Variants in ANK2 observed in about 807,000 individuals in gnomAD.
ANK2 encodes the protein ankyrin-2.
In ANK2, 83 loss-of-function variants were observed where a neutral mutation model predicts 360.5. That is an observed-to-expected ratio of 0.23 (90% CI 0.19 to 0.28). ANK2 has a LOEUF of 0.28. Ranked by LOEUF, ANK2 falls within the 10% of genes least tolerant of loss-of-function variation. ANK2 has a pLI of 1.00. For synonymous variants in ANK2, 1,740 were observed against 1,759.5 expected (o/e 0.99, Z 0.28); for missense variants, 4,201 against 4,795.7 (o/e 0.88, Z 3.66).
intron 2 of ANK2, among the ~76,000 whole-genome samples, chr4:112,959,175 A>G (rs2154259399): frequency 6.6e-6 from 1 of 152,212 alleles, no homozygotes; most frequent in Admixed American, 6.5e-5. Context: ...ATATGCTTAT[A>G]TTGGGTAGTG....
chr4:112,907,582 C>G (rs1427532268), intron 2 of ANK2, among the ~76,000 whole-genome samples: 1 of 152,062 alleles, frequency 6.6e-6, no homozygotes, highest in African/African-American at 2.4e-5. Flanking sequence ...TTGAAAAGTA[C>G]AATTCTAGGT....
At chr4:113,100,486 C>T (rs904676341) in intron 1 of ANK2, among the ~76,000 whole-genome samples, 39 of 152,004 alleles carry the variant, frequency 2.6e-4, no homozygotes, top group Non-Finnish European at 1.2e-4. Flanking sequence ...TGAATGCTGG[C>T]AAAGAGGTGG....
chr4:113,057,986 T>C (rs1339432087), intron 1 of ANK2, among the ~76,000 whole-genome samples: 1 of 152,184 alleles, frequency 6.6e-6, no homozygotes, highest in Non-Finnish European at 1.5e-5. Flanking sequence ...CTGGATCTTC[T>C]GTTGGATTTT....
intron 23 of ANK2, among the ~76,000 whole-genome samples, chr4:113,309,763 T>G (rs1374012187): frequency 2.0e-5 from 3 of 152,128 alleles, no homozygotes; most frequent in Non-Finnish European, 4.4e-5. Flanking sequence ...CAAGCAATCC[T>G]CCTGCCTCGG....
At chr4:113,351,575 A>C (rs2095417181) in intron 37 of ANK2, among the ~76,000 whole-genome samples, 1 of 152,076 alleles carries the variant, frequency 6.6e-6, no homozygotes, top group South Asian at 2.1e-4. Context: ...GCCCTCACTG[A>C]TTCCTTTTTT....
chr4:113,270,809 A>C (rs554282757), intron 14 of ANK2, among the ~76,000 whole-genome samples: 1 of 152,322 alleles, frequency 6.6e-6, no homozygotes, highest in African/African-American at 2.4e-5. Flanking sequence ...TTTTGGGATT[A>C]TGTTTCAAGC....
intron 23 of ANK2, among the ~76,000 whole-genome samples, chr4:113,310,549 T>A (rs557331081): frequency 6.6e-6 from 1 of 152,278 alleles, no homozygotes; most frequent in Admixed American, 6.5e-5. Context: ...CCCAAGTAGC[T>A]GGGACTACAG....
Position 113,282,713 on chromosome 4 carries a change from TC to T in ANK2, c.1921del (p.Gln641LysfsTer4). 1 of 1,613,760 alleles carries T rather than the reference TC, an allele frequency of 6.2e-7. No individual in the cohort carries two copies. The highest frequency in any genetic ancestry group is 8.5e-7 in the Non-Finnish European group (1 of 1,179,832). On this transcript the variant is annotated frameshift_variant, in exon 18 of 46. Coordinates refer to ENST00000357077, the MANE Select transcript of ANK2 (RefSeq NM_001148.6). LOFTEE classifies it high-confidence loss of function. ...TPLHIAAKKN[Q>X]MQIASTLLNY... ...CGTTACATATTGCTGCCAAGAAGAA[TC>T]AAATGCAGATAGCTTCCACACTCCT...
chr4:112,843,775 T>C (rs533635317), intron 1 of ANK2, among the ~76,000 whole-genome samples: 5 of 152,330 alleles, frequency 3.3e-5, no homozygotes, highest in Non-Finnish European at 7.3e-5. Flanking sequence ...TTATAGTTTT[T>C]CGTTCTAAAA....
the ANK2 span, among the ~76,000 whole-genome samples, chr4:112,781,991 G>A: frequency 1.8e-4 from 28 of 151,810 alleles, no homozygotes; most frequent in Admixed American, 3.9e-4. Flanking sequence ...CACCATGCCC[G>A]GCTAGTTTTT....
Position 113,171,036 on chromosome 4 carries a change from T to C in ANK2, c.85-3380T>C, listed in dbSNP as rs112261418. ...GTCTTACATTTGTCTGAGACTTTCT[T>C]CCAAAGAAGTTGCTTTTGCCTCATT... On this transcript the variant is annotated intron_variant, in intron 1 of 45. Coordinates refer to ENST00000357077, the MANE Select transcript of ANK2 (RefSeq NM_001148.6). Among the ~76,000 whole-genome samples, 408 of 152,328 alleles carry C rather than the reference T, an allele frequency of 2.7e-3. 1 individual carries two copies. The highest frequency in any genetic ancestry group is 9.5e-3 in the African/African-American group (395 of 41,574).
intron 2 of ANK2, among the ~76,000 whole-genome samples, chr4:112,971,305 C>G (rs2039428473): frequency 6.6e-6 from 1 of 152,166 alleles, no homozygotes; most frequent in Non-Finnish European, 1.5e-5. Context: ...ATTCGCATTT[C>G]TACTGCAAAA....
chr4:113,031,663 C>T (rs1178304153), intron 2 of ANK2, among the ~76,000 whole-genome samples: 1 of 132,830 alleles, frequency 7.5e-6, no homozygotes, highest in East Asian at 2.4e-4. Flanking sequence ...TTCTTTTGTT[C>T]TTTTGTTATC....
chr4:112,841,335 G>A (rs2062034046), intron 1 of ANK2, among the ~76,000 whole-genome samples: 2 of 152,282 alleles, frequency 1.3e-5, no homozygotes, highest in South Asian at 2.1e-4. Context: ...AGGCTTTCAT[G>A]TTATACGTTC....
Position 113,354,857 on chromosome 4 carries a change from C to G in ANK2, c.6239C>G (p.Ala2080Gly), listed in dbSNP as rs746116809. 9.9e-6 allele frequency: 16 copies of G among 1,614,052 alleles called. No individual in the cohort carries two copies. The South Asian group carries it at 1.8e-4, about 18-fold the overall frequency. Residue 2080 changes from alanine to glycine, a missense_variant, in exon 38 of 46, where the codon GCA (alanine) becomes GGA (glycine). Ala to Gly is a moderately conservative substitution (Grantham distance 60). Coordinates refer to ENST00000357077, the MANE Select transcript of ANK2 (RefSeq NM_001148.6). The part of the protein sequence containing the change: ...VSSIGVKKED[A>G]AGGKEKVLSH... ...TCCATAGGAGTTAAGAAAGAAGATG[C>G]AGCTGGAGGAAAGGAGAAAGTTCTC...
At chr4:112,780,201 A>AAG in the ANK2 span, among the ~76,000 whole-genome samples, 1 of 151,306 alleles carries the variant, frequency 6.6e-6, no homozygotes, top group African/African-American at 2.4e-5. Flanking sequence ...AAAAAAAAAA[A>AAG]GAAGTCAGTG....
the ANK2 span, among the ~76,000 whole-genome samples, chr4:112,736,774 A>G: frequency 6.6e-6 from 1 of 152,156 alleles, no homozygotes; most frequent in African/African-American, 2.4e-5. Context: ...TCTCCTAAAC[A>G]CTGGTTGGGG....
the ANK2 span, chr4:112,796,914 G>A: frequency 6.6e-6 from 1 of 152,172 alleles, no homozygotes; most frequent in African/African-American, 2.4e-5. Context: ...AAAAAGTGAG[G>A]ATCACCTGAC....
At chr4:113,269,581 T>TG (rs1266735930) in intron 14 of ANK2, among the ~76,000 whole-genome samples, 1 of 152,232 alleles carries the variant, frequency 6.6e-6, no homozygotes, top group Non-Finnish European at 1.5e-5. Flanking sequence ...CACCCTGCTT[T>TG]GGCTTGCCCT....
Sources: gnomAD v4.1 joint callset for allele counts (sites outside exome capture counted in the v4.1 genomes callset) on GRCh38, gnomAD v4.1.1 for gene constraint, MANE v1.5 for transcripts, NCBI Gene and HGNC (gene_info 2026-07-23, HGNC 2026-07-21) for gene names.